The following ARMH3 variants were observed in gnomAD, a reference collection of about 807,000 sequenced individuals.
The protein encoded by ARMH3 is armadillo like helical domain containing 3.
In ARMH3, 60 loss-of-function variants were observed where a neutral mutation model predicts 99.1. That is an observed-to-expected ratio of 0.61 (90% CI 0.49 to 0.75). The LOEUF (loss-of-function observed/expected upper bound fraction) is 0.75, where lower values mean the gene tolerates loss of function less well. Ranked by LOEUF, ARMH3 falls within the 30% of genes least tolerant of loss-of-function variation. The probability of loss-of-function intolerance (pLI) is 0.00; values close to 1 mark genes in which losing one functional copy is unlikely to be tolerated. For synonymous variants in ARMH3, 285 were observed against 292.8 expected (o/e 0.97, Z 0.27); for missense variants, 679 against 843.1 (o/e 0.81, Z 2.41).
chr10:102,027,193 C>T (rs1185291158), intron 5 of ARMH3, among the ~76,000 whole-genome samples: 1 of 150,884 alleles, frequency 6.6e-6, no homozygotes, highest in Admixed American at 6.6e-5. Flanking sequence ...GCAGGAGAAT[C>T]GCTTGAACCC....
chr10:101,891,344 C>T (rs1409658792), intron 23 of ARMH3, among the ~76,000 whole-genome samples: 1 of 152,074 alleles, frequency 6.6e-6, no homozygotes, highest in Non-Finnish European at 1.5e-5. Flanking sequence ...TACAGGCCCC[C>T]GCCACCATGA....
At chr10:101,995,238 C>T (rs1847001679) in intron 16 of ARMH3, 59 bp downstream of exon 16, 3 of 1,429,484 alleles carry the variant, frequency 2.1e-6, no homozygotes. Context: ...TGAGGGGAGG[C>T]AGGGAAAGAT....
chr10:101,958,248 TA>T (rs146040466), intron 20 of ARMH3, among the ~76,000 whole-genome samples: 5,344 of 152,252 alleles, frequency 0.035, 140 homozygotes, highest in Non-Finnish European at 0.052. Flanking sequence ...GGAGAGCTCA[TA>T]AAGAGAAAAA....
At chr10:102,036,721 G>A (rs2067286057) in intron 2 of ARMH3, among the ~76,000 whole-genome samples, 1 of 152,080 alleles carries the variant, frequency 6.6e-6, no homozygotes, top group Admixed American at 6.5e-5. Flanking sequence ...CAAGTACCCA[G>A]GGACACAAAC....
intron 8 of ARMH3, among the ~76,000 whole-genome samples, chr10:102,021,673 G>A (rs990895586): frequency 3.3e-5 from 5 of 151,312 alleles, no homozygotes; most frequent in Admixed American, 6.6e-5. Context: ...TCAGCCTCCC[G>A]AGTAGCTGGG....
chr10:102,019,927 C>CAA (rs35874445), intron 8 of ARMH3, among the ~76,000 whole-genome samples: 2 of 108,464 alleles, frequency 1.8e-5, no homozygotes, highest in African/African-American at 3.6e-5. Context: ...GACTCTGTCT[C>CAA]AAAAAAAAAA....
chr10:101,927,811 G>C (rs529700233), intron 23 of ARMH3, among the ~76,000 whole-genome samples: 1 of 152,224 alleles, frequency 6.6e-6, no homozygotes, highest in Non-Finnish European at 1.5e-5. Context: ...AGTGGCTCAC[G>C]CCTATAATCC....
chr10:101,947,264 A>G (rs1173699499), intron 22 of ARMH3, among the ~76,000 whole-genome samples: 1 of 152,154 alleles, frequency 6.6e-6, no homozygotes, highest in Non-Finnish European at 1.5e-5. Context: ...CTACAGATTT[A>G]TTTTCAGAAA....
intron 23 of ARMH3, among the ~76,000 whole-genome samples, chr10:101,936,689 A>G (rs1349042647): frequency 6.6e-6 from 1 of 152,162 alleles, no homozygotes; most frequent in East Asian, 1.9e-4. Flanking sequence ...TGGGGTCTCA[A>G]ACAGGTATCT....
chr10:101,940,441 C>T (rs1244727261), intron 22 of ARMH3, among the ~76,000 whole-genome samples: 1 of 152,074 alleles, frequency 6.6e-6, no homozygotes, highest in African/African-American at 2.4e-5. Context: ...ATGTGTCAAT[C>T]AAGGATTAAC....
At chr10:101,948,181 C>T (rs1299512666) in intron 22 of ARMH3, among the ~76,000 whole-genome samples, 1 of 152,138 alleles carries the variant, frequency 6.6e-6, no homozygotes, top group African/African-American at 2.4e-5. Context: ...CACGACCCAA[C>T]TGTAAGCTGT....
At chr10:101,893,212 T>C (rs2067734755) in intron 23 of ARMH3, among the ~76,000 whole-genome samples, 1 of 152,202 alleles carries the variant, frequency 6.6e-6, no homozygotes, top group Non-Finnish European at 1.5e-5. Flanking sequence ...TAGGGTTTAG[T>C]GTCCAGGACC....
chr10:101,968,253 G>T (rs1845621879), intron 20 of ARMH3, among the ~76,000 whole-genome samples: 1 of 151,946 alleles, frequency 6.6e-6, no homozygotes, highest in South Asian at 2.1e-4. Flanking sequence ...TTCTTCTAGG[G>T]CCCTATACCA....
chr10:101,864,567 A>C (rs1262752804), intron 24 of ARMH3, among the ~76,000 whole-genome samples: 3 of 152,244 alleles, frequency 2.0e-5, no homozygotes, highest in African/African-American at 7.2e-5. Flanking sequence ...GCAGCCATAA[A>C]AAAGGATGAG....
intron 24 of ARMH3, among the ~76,000 whole-genome samples, chr10:101,884,251 A>G (rs2135421357): frequency 6.6e-6 from 1 of 152,260 alleles, no homozygotes; most frequent in African/African-American, 2.4e-5. Context: ...GAAACCACTT[A>G]AGCTGGTATG....
Position 102,006,624 on chromosome 10 carries a change from C to T in ARMH3, c.964G>A (p.Glu322Lys). Residue 322 changes from glutamate to lysine, a missense_variant, in exon 14 of 26, where the codon GAA becomes AAA. Glu to Lys is a moderately conservative substitution (Grantham distance 56). This residue lies in a region of ARMH3 where 389 missense variants were observed against 456.5 expected (regional missense o/e 0.85). Transcript: ENST00000370033. Reference sequence around the variant, plus strand: ...ACAGGGGTCGTCACCAAGCCCATTTCTGGATGGCTCTGAAAAAGATACACA... The same window carrying T: ...ACAGGGGTCGTCACCAAGCCCATTTTTGGATGGCTCTGAAAAAGATACACA... The part of the protein sequence containing the change: ...FITVLAQSHP[E>K]MGLVTTPVSP... 1 of 1,613,872 alleles carries T rather than the reference C, an allele frequency of 6.2e-7. No individual in the cohort carries two copies. Among genetic ancestry groups the T allele is most frequent in the East Asian group, 2.2e-5 (1 of 44,872 alleles).
chr10:101,886,465 G>A (rs1354842499), intron 24 of ARMH3, among the ~76,000 whole-genome samples: 5 of 151,976 alleles, frequency 3.3e-5, no homozygotes, highest in East Asian at 1.9e-4. Context: ...AGCCAAGATC[G>A]TGCCACTGTA....
At chr10:101,861,877 CA>C (rs36095929) in intron 24 of ARMH3, among the ~76,000 whole-genome samples, 30,070 of 94,022 alleles carry the variant, frequency 0.32, 3,823 homozygotes, top group East Asian at 0.46. Flanking sequence ...CTAAAAATAC[CA>C]AAAAAAAAAA....
intron 23 of ARMH3, among the ~76,000 whole-genome samples, chr10:101,924,939 AGCCGAGATCAT>A (rs1221159566): frequency 1.3e-5 from 2 of 152,170 alleles, no homozygotes; most frequent in Non-Finnish European, 2.9e-5. Flanking sequence ...AGTTGCAGTG[AGCCGAGATCAT>A]GCCACTGCAC....
Sources: allele counts gnomAD v4.1 joint callset (sites outside exome capture counted in the v4.1 genomes callset), GRCh38; gene constraint gnomAD v4.1.1; regional missense constraint gnomAD v4.1.1; transcripts MANE v1.5; gene names NCBI Gene and HGNC (gene_info 2026-07-23, HGNC 2026-07-21).